MYO3B: variants seen among roughly 807,000 people sequenced by gnomAD.
The protein encoded by MYO3B is myosin IIIB.
A neutral mutation model predicts 174.6 loss-of-function variants in MYO3B; 156 were observed. The observed-to-expected ratio is 0.89, with a 90% CI of 0.78 to 1.02. MYO3B has a LOEUF of 1.02. Among genes scored for constraint, MYO3B ranks in the 50% least tolerant of loss-of-function variants. The pLI is 0.00. For missense variants in MYO3B, 1,632 were observed against 1,639.4 expected, an observed-to-expected ratio of 1.00 and a Z score of 0.08; for synonymous variants, 563 against 569.1, an observed-to-expected ratio of 0.99 and a Z score of 0.15.
At chr2:170,198,290 G>A (rs774843054) in intron 1 of MYO3B, among the ~76,000 whole-genome samples, 2 of 152,094 alleles carry the variant, frequency 1.3e-5, no homozygotes, top group Admixed American at 6.6e-5. Flanking sequence ...TAGTTAATGC[G>A]TATTTCTCTC....
intron 8 of MYO3B, among the ~76,000 whole-genome samples, chr2:170,345,951 C>T (rs2094012873): frequency 6.6e-6 from 1 of 151,860 alleles, no homozygotes; most frequent in Non-Finnish European, 1.5e-5. Flanking sequence ...GGAGAATAGC[C>T]CTGCCGACAT....
chr2:170,456,169 G>T (rs996922492), intron 23 of MYO3B, among the ~76,000 whole-genome samples: 10 of 152,102 alleles, frequency 6.6e-5, no homozygotes, highest in Non-Finnish European at 8.8e-5. Context: ...TTGGTGGGGG[G>T]GTGGGGCGGT....
intron 9 of MYO3B, among the ~76,000 whole-genome samples, chr2:170,374,517 C>G (rs946420339): frequency 1.3e-5 from 2 of 152,110 alleles, no homozygotes; most frequent in Non-Finnish European, 2.9e-5. Context: ...TTGAGGAACT[C>G]TTAGATCAGA....
chr2:170,434,126 C>T (rs2094732558), intron 22 of MYO3B, among the ~76,000 whole-genome samples: 1 of 152,126 alleles, frequency 6.6e-6, no homozygotes, highest in Non-Finnish European at 1.5e-5. Flanking sequence ...ATAAATCCTT[C>T]TTATAAATTT....
intron 33 of MYO3B, 115 bp from the exon 34 acceptor site, chr2:170,651,993 G>T: frequency 8.6e-7 from 1 of 1,159,582 alleles, no homozygotes; most frequent in Non-Finnish European, 1.3e-6. Flanking sequence ...AAAAAATTAT[G>T]CTGTGACTTC....
In MYO3B at chr2:170,443,549, G is replaced by A. The variant is rs1488121932; in HGVS notation, c.2651-418G>A. ...TGTTGCCATTGCTTTTGGTGTTTTA[G>A]TCATGAAGTCCTTGCCCATGCCTAT... On this transcript the variant is annotated intron_variant, in intron 22 of 34. Coordinates refer to ENST00000408978, the MANE Select transcript of MYO3B (RefSeq NM_138995.5). Among the ~76,000 whole-genome samples the A allele has an allele frequency of 2.6e-5, 4 of 152,072 alleles. No individual in the cohort carries two copies. The East Asian group carries it at 7.7e-4, about 29-fold the overall frequency.
intron 30 of MYO3B, among the ~76,000 whole-genome samples, chr2:170,541,184 T>C (rs966896090): frequency 6.6e-6 from 1 of 152,178 alleles, no homozygotes; most frequent in Non-Finnish European, 1.5e-5. Flanking sequence ...GTTCATTTTT[T>C]GAGGGGTCAG....
intron 22 of MYO3B, among the ~76,000 whole-genome samples, chr2:170,431,264 G>A (rs1179229798): frequency 6.6e-6 from 1 of 151,974 alleles, no homozygotes; most frequent in Admixed American, 6.6e-5. Flanking sequence ...GGCTCTAAAA[G>A]GAAATTCTCC....
At chr2:170,262,028 T>G (rs1378596628) in intron 7 of MYO3B, among the ~76,000 whole-genome samples, 2 of 152,176 alleles carry the variant, frequency 1.3e-5, no homozygotes, top group African/African-American at 4.8e-5. Context: ...TCGCAGTCTG[T>G]TTGAAACTCC....
At chr2:170,509,248 T>A (rs1025899273) in intron 28 of MYO3B, among the ~76,000 whole-genome samples, 15 of 152,124 alleles carry the variant, frequency 9.9e-5, no homozygotes, top group Non-Finnish European at 2.1e-4. Flanking sequence ...TCCCAGGTAC[T>A]TGGGAGGCTG....
intron 6 of MYO3B, among the ~76,000 whole-genome samples, chr2:170,234,198 CAAAAAAAAA>C (rs1046155739): frequency 9.6e-5 from 2 of 20,740 alleles, no homozygotes; most frequent in African/African-American, 5.9e-4. Context: ...CAAAACAAAA[CAAAAAAAAA>C]ACACCTGTTT....
At chr2:170,457,458 A>G (rs1236553679) in intron 23 of MYO3B, among the ~76,000 whole-genome samples, 2 of 151,986 alleles carry the variant, frequency 1.3e-5, no homozygotes, top group African/African-American at 2.4e-5. Flanking sequence ...TCTTTATTCT[A>G]TAAACTTCTA....
chr2:170,651,553 A>G, intron 32 of MYO3B, 75 bp from the exon 33 acceptor site: 1 of 1,148,252 alleles, frequency 8.7e-7, no homozygotes, highest in East Asian at 2.3e-5. Flanking sequence ...AAGTGCATTT[A>G]TGTGAAGAGC....
At chr2:170,637,639 T>G (rs188538388) in intron 32 of MYO3B, among the ~76,000 whole-genome samples, 3 of 152,338 alleles carry the variant, frequency 2.0e-5, no homozygotes, top group Non-Finnish European at 2.9e-5. Flanking sequence ...GGATTTTTAC[T>G]AATCTCATAT....
chr2:170,225,484 A>G (rs1256869013), intron 6 of MYO3B, among the ~76,000 whole-genome samples: 2 of 152,244 alleles, frequency 1.3e-5, no homozygotes, highest in African/African-American at 4.8e-5. Flanking sequence ...AAAATGTAAT[A>G]TTTCAATCTG....
At chr2:170,232,734 A>G (rs1490743467) in intron 6 of MYO3B, among the ~76,000 whole-genome samples, 1 of 152,226 alleles carries the variant, frequency 6.6e-6, no homozygotes, top group Non-Finnish European at 1.5e-5. Context: ...TATGAAGATT[A>G]AGTTCAGTGT....
Position 170,387,262 on chromosome 2 carries a change from A to G in MYO3B, c.1531A>G (p.Ile511Val). The change falls in exon 14 of 35, where the codon ATC becomes GTC. Residue 511 changes from isoleucine (I) to valine (V), a missense_variant. Physicochemically the swap from Ile to Val is conservative, Grantham distance 29 (BLOSUM62 3). Transcript: ENST00000408978. ...AACTGGAGTTGTGATGGGGGCAAGA[A>G]TCTCTGAATATCTCCTGGAAAAATC... ...TPTGVVMGAR[I>V]SEYLLEKSRV... 1 of 1,614,180 alleles carries G rather than the reference A, an allele frequency of 6.2e-7. No homozygotes were observed. The highest frequency in any genetic ancestry group is 8.5e-7 in the Non-Finnish European group (1 of 1,179,992).
chr2:170,501,734 G>C, intron 27 of MYO3B, 51 bp from the exon 28 acceptor site: 1 of 1,262,904 alleles, frequency 7.9e-7, no homozygotes, highest in Non-Finnish European at 1.2e-6. Context: ...TCAATTCTCT[G>C]GCACGTTCTT....
At chr2:170,299,424 G>T (rs1175883445) in intron 7 of MYO3B, among the ~76,000 whole-genome samples, 2 of 152,052 alleles carry the variant, frequency 1.3e-5, no homozygotes, top group East Asian at 3.9e-4. Flanking sequence ...ATCCTTGATA[G>T]AATTTTACAA....
Sources: gnomAD v4.1 joint callset for allele counts (sites outside exome capture counted in the v4.1 genomes callset) on GRCh38, gnomAD v4.1.1 for gene constraint, MANE v1.5 for transcripts, NCBI Gene and HGNC (gene_info 2026-07-23, HGNC 2026-07-21) for gene names.